AKT3: variants seen among roughly 807,000 people sequenced by gnomAD.
The protein encoded by AKT3 is RAC-gamma serine/threonine-protein kinase.
A neutral mutation model predicts 65.3 loss-of-function variants in AKT3; 15 were observed. The observed-to-expected ratio is 0.23, with a 90% CI of 0.15 to 0.35. AKT3 has a LOEUF of 0.35. Ranked by LOEUF, AKT3 falls within the 10% of genes least tolerant of loss-of-function variation. The pLI is 1.00. For synonymous variants in AKT3, 206 were observed against 183.8 expected (o/e 1.12, Z -0.98); for missense variants, 243 against 576.5 (o/e 0.42, Z 5.92).
chr1:243,721,120 T>C (rs1558752667), intron 2 of AKT3, among the ~76,000 whole-genome samples: 1 of 152,054 alleles, frequency 6.6e-6, no homozygotes, highest in Non-Finnish European at 1.5e-5. Context: ...ATCTCTCTTC[T>C]CCAAAGCCAG....
chr1:243,587,413 C>T (rs1373344654), intron 8 of AKT3, among the ~76,000 whole-genome samples: 2 of 152,118 alleles, frequency 1.3e-5, no homozygotes, highest in African/African-American at 4.8e-5. Flanking sequence ...GAATTCGAAA[C>T]CAGCCCTGGC....
chr1:243,626,312 A>T (rs1354732210), intron 6 of AKT3, among the ~76,000 whole-genome samples: 1 of 152,218 alleles, frequency 6.6e-6, no homozygotes, highest in Admixed American at 6.5e-5. Context: ...ACGGTTACTA[A>T]GAGATGGGAT....
chr1:243,571,846 A>G (rs187918114), intron 9 of AKT3, among the ~76,000 whole-genome samples: 19 of 152,306 alleles, frequency 1.2e-4, no homozygotes, highest in South Asian at 2.1e-4. Context: ...TGGCACTTAG[A>G]CAGTTGGTCA....
chr1:243,586,322 G>T (rs547716573), intron 8 of AKT3, among the ~76,000 whole-genome samples: 9 of 149,886 alleles, frequency 6.0e-5, no homozygotes, highest in African/African-American at 2.2e-4. Flanking sequence ...CAGCCACTAT[G>T]GAAACCAATT....
intron 1 of AKT3, among the ~76,000 whole-genome samples, chr1:243,846,633 T>C (rs1394010655): frequency 7.2e-5 from 11 of 152,154 alleles, no homozygotes; most frequent in Admixed American, 4.6e-4. Context: ...CTGTAAACAT[T>C]TGAGTTATTT....
intron 9 of AKT3, among the ~76,000 whole-genome samples, chr1:243,568,616 G>C (rs567182939): frequency 6.6e-6 from 1 of 152,288 alleles, no homozygotes; most frequent in African/African-American, 2.4e-5. Flanking sequence ...GCACAAAATT[G>C]TAACAAAAAT....
chr1:243,700,732 G>T (rs1038030707), intron 2 of AKT3, among the ~76,000 whole-genome samples: 3 of 152,102 alleles, frequency 2.0e-5, no homozygotes, highest in African/African-American at 7.2e-5. Context: ...TCGATCCCTT[G>T]ACCTCATGAT....
rs1278453302 is a variant in AKT3, at chr1:243,568,821, A to G, written c.819+4105T>C. 3.3e-5 allele frequency among the ~76,000 whole-genome samples: 5 copies of G among 152,326 alleles called. No individual in the cohort carries two copies. The East Asian group carries it at 7.7e-4, about 23-fold the overall frequency. ...CACTGGCCTGGAAGCTTCTCTGAAC[A>G]CTTTGCAGGCCGAGGCATGGTTGTA... On this transcript the variant is annotated intron_variant, in intron 9 of 13. Coordinates refer to ENST00000673466, the MANE Select transcript of AKT3 (RefSeq NM_005465.7).
chr1:243,555,943 C>T (rs1260277152), intron 10 of AKT3, among the ~76,000 whole-genome samples: 1 of 152,060 alleles, frequency 6.6e-6, no homozygotes, highest in Non-Finnish European at 1.5e-5. Context: ...TCCTTTGTAA[C>T]CACAGATGTA....
At chr1:243,631,381 G>A (rs969886416) in intron 6 of AKT3, among the ~76,000 whole-genome samples, 5 of 152,032 alleles carry the variant, frequency 3.3e-5, no homozygotes, top group African/African-American at 2.4e-5. Flanking sequence ...GCACGATCTT[G>A]GTATTCAAGC....
intron 10 of AKT3, among the ~76,000 whole-genome samples, chr1:243,553,493 C>T (rs1335993614): frequency 1.3e-5 from 2 of 152,120 alleles, no homozygotes; most frequent in Non-Finnish European, 2.9e-5. Context: ...CCTTTGGATG[C>T]CCCTGTATGT....
chr1:243,583,865 A>T (rs1369026650), intron 8 of AKT3, among the ~76,000 whole-genome samples: 1 of 152,092 alleles, frequency 6.6e-6, no homozygotes, highest in Admixed American at 6.6e-5. Context: ...ACCTCAAAAC[A>T]TTAGAAAGAT....
At chr1:243,668,710 T>C (rs1012239532) in intron 3 of AKT3, among the ~76,000 whole-genome samples, 4 of 152,122 alleles carry the variant, frequency 2.6e-5, no homozygotes, top group African/African-American at 7.2e-5. Flanking sequence ...GTGAGGAACA[T>C]AGAGTAATGA....
intron 6 of AKT3, among the ~76,000 whole-genome samples, chr1:243,626,397 C>T (rs552084889): frequency 3.9e-5 from 6 of 152,256 alleles, no homozygotes; most frequent in Non-Finnish European, 5.9e-5. Flanking sequence ...CCAATGGGAG[C>T]GCCTCTTAGT....
intron 2 of AKT3, among the ~76,000 whole-genome samples, chr1:243,773,760 T>C (rs1690357726): frequency 1.3e-5 from 2 of 152,180 alleles, no homozygotes; most frequent in Non-Finnish European, 2.9e-5. Context: ...ACAATGTTAA[T>C]TTCCTTCCCA....
At chr1:243,585,916 G>A (rs1225850816) in intron 8 of AKT3, among the ~76,000 whole-genome samples, 2 of 152,144 alleles carry the variant, frequency 1.3e-5, no homozygotes, top group African/African-American at 4.8e-5. Context: ...AAGAGAATCT[G>A]TACAGCAAAA....
At chr1:243,512,872 T>A (rs765665671) in intron 12 of AKT3, among the ~76,000 whole-genome samples, 1 of 152,242 alleles carries the variant, frequency 6.6e-6, no homozygotes, top group Non-Finnish European at 1.5e-5. Context: ...ATGAGAGTGC[T>A]GCCTTTGCCC....
intron 4 of AKT3, among the ~76,000 whole-genome samples, chr1:243,649,804 C>T (rs1344340777): frequency 3.3e-5 from 5 of 152,004 alleles, no homozygotes; most frequent in Admixed American, 6.6e-5. Flanking sequence ...TTTTTTATCC[C>T]GTCTATCACT....
intron 2 of AKT3, among the ~76,000 whole-genome samples, chr1:243,735,395 C>T (rs138311007): frequency 1.9e-3 from 290 of 152,268 alleles, no homozygotes; most frequent in South Asian, 0.013. Context: ...GTCATATATG[C>T]AGTCCATCAT....
Sources: gnomAD v4.1 joint callset for allele counts (sites outside exome capture counted in the v4.1 genomes callset) on GRCh38, gnomAD v4.1.1 for gene constraint, MANE v1.5 for transcripts, NCBI Gene and HGNC (gene_info 2026-07-23, HGNC 2026-07-21) for gene names.